The following CNTNAP5 variants were observed in gnomAD, a reference collection of about 807,000 sequenced individuals.
CNTNAP5 encodes the protein contactin associated protein family member 5, also known as contactin-associated protein-like 5.
A neutral mutation model predicts 150.2 loss-of-function variants in CNTNAP5; 72 were observed. The observed-to-expected ratio is 0.48, with a 90% CI of 0.40 to 0.58. The LOEUF is 0.58. Among genes scored for constraint, CNTNAP5 ranks in the 20% least tolerant of loss-of-function variants. CNTNAP5 has a pLI of 0.00. For missense variants in CNTNAP5, 1,636 were observed against 1,626.2 expected (o/e 1.01, Z -0.10); for synonymous variants, 672 against 619.8 (o/e 1.08, Z -1.25).
At chr2:124,378,975 C>T (rs1207108020) in intron 3 of CNTNAP5, among the ~76,000 whole-genome samples, 1 of 151,904 alleles carries the variant, frequency 6.6e-6, no homozygotes, top group East Asian at 1.9e-4. Context: ...ATCTTTTTTT[C>T]TAATATTTTC....
chr2:124,547,193 T>C (rs1695531598), intron 10 of CNTNAP5, among the ~76,000 whole-genome samples: 1 of 151,842 alleles, frequency 6.6e-6, no homozygotes, highest in Non-Finnish European at 1.5e-5. Context: ...TTGGGCTCAA[T>C]AGAGAAACGG....
At chr2:124,493,414 C>A (rs1694076857) in intron 7 of CNTNAP5, among the ~76,000 whole-genome samples, 1 of 151,816 alleles carries the variant, frequency 6.6e-6, no homozygotes, top group Admixed American at 6.6e-5. Flanking sequence ...GATCTCAGCT[C>A]ACTGCAACTT....
chr2:124,913,984 T>C (rs1678708829), intron 23 of CNTNAP5, 108 bp from the exon 24 acceptor site: 1 of 700,550 alleles, frequency 1.4e-6, no homozygotes, highest in Middle Eastern at 3.8e-4. Flanking sequence ...TGATTTGTTT[T>C]GTTTTGCTTT....
chr2:124,546,583 G>T (rs190948566), intron 10 of CNTNAP5, among the ~76,000 whole-genome samples: 7 of 152,284 alleles, frequency 4.6e-5, no homozygotes, highest in African/African-American at 1.7e-4. Flanking sequence ...CTCATTGTGG[G>T]CAGTGGGGCA....
intron 13 of CNTNAP5, among the ~76,000 whole-genome samples, chr2:124,703,294 A>G (rs559046496): frequency 6.8e-6 from 1 of 147,054 alleles, no homozygotes; most frequent in African/African-American, 2.5e-5. Flanking sequence ...TTATTTTGAA[A>G]GAATCATTGG....
At chr2:124,072,617 T>C (rs1682333304) in intron 1 of CNTNAP5, among the ~76,000 whole-genome samples, 2 of 151,838 alleles carry the variant, frequency 1.3e-5, no homozygotes, top group Non-Finnish European at 2.9e-5. Context: ...AATAATCTCA[T>C]TTATAATAGC....
At chr2:124,250,387 A>G (rs1687142843) in intron 3 of CNTNAP5, among the ~76,000 whole-genome samples, 1 of 152,148 alleles carries the variant, frequency 6.6e-6, no homozygotes, top group Non-Finnish European at 1.5e-5. Context: ...AGCATTATCA[A>G]TAATAAGGGA....
chr2:124,290,453 A>G (rs1232316077), intron 3 of CNTNAP5, among the ~76,000 whole-genome samples: 2 of 152,196 alleles, frequency 1.3e-5, no homozygotes, highest in Non-Finnish European at 2.9e-5. Flanking sequence ...CTACTGATGC[A>G]ACATAAATTT....
chr2:124,460,430 G>C (rs1191678608), intron 6 of CNTNAP5, among the ~76,000 whole-genome samples: 1 of 151,958 alleles, frequency 6.6e-6, no homozygotes, highest in Non-Finnish European at 1.5e-5. Flanking sequence ...TTTATTCCTA[G>C]TTTTCTTTAA....
chr2:124,665,563 A>G (rs1678680355), intron 13 of CNTNAP5, among the ~76,000 whole-genome samples: 1 of 152,152 alleles, frequency 6.6e-6, no homozygotes, highest in Admixed American at 6.5e-5. Context: ...GTGTGGATAA[A>G]ACTGTCTCCA....
intron 19 of CNTNAP5, among the ~76,000 whole-genome samples, chr2:124,844,492 T>C (rs1055519566): frequency 6.6e-6 from 1 of 152,046 alleles, no homozygotes; most frequent in Non-Finnish European, 1.5e-5. Context: ...TTTGCCTATG[T>C]GGGCTATTTT....
chr2:124,730,190 A>G (rs1472779232), intron 13 of CNTNAP5, among the ~76,000 whole-genome samples: 2 of 152,066 alleles, frequency 1.3e-5, no homozygotes, highest in African/African-American at 4.8e-5. Flanking sequence ...AAGTTTTTCA[A>G]TAAAAATCCT....
chr2:124,349,873 T>TGG (rs1426276090), intron 3 of CNTNAP5, among the ~76,000 whole-genome samples: 51 of 118,020 alleles, frequency 4.3e-4, no homozygotes, highest in Non-Finnish European at 6.9e-4. Context: ...TCTGGCTATT[T>TGG]CTTTTTTTTT....
At chr2:124,345,059 G>A (rs1472000664) in intron 3 of CNTNAP5, among the ~76,000 whole-genome samples, 4 of 152,186 alleles carry the variant, frequency 2.6e-5, no homozygotes, top group African/African-American at 7.2e-5. Context: ...AAAGTGCCAG[G>A]TTTAGGGTAT....
chr2:124,504,258 G>T (rs1169661006), intron 7 of CNTNAP5, 34 bp from the exon 8 acceptor site: 1 of 1,595,846 alleles, frequency 6.3e-7, no homozygotes, highest in South Asian at 1.1e-5. Context: ...AATAAAAAAT[G>T]GCTTTTATAT....
At chr2:124,281,548 GT>G (rs377615825) in intron 3 of CNTNAP5, among the ~76,000 whole-genome samples, 84 of 152,202 alleles carry the variant, frequency 5.5e-4, no homozygotes, top group African/African-American at 2.0e-3. Context: ...AAAAGATATT[GT>G]CTTGTTATGT....
chr2:124,852,846 A>G (rs1297039671), intron 19 of CNTNAP5, among the ~76,000 whole-genome samples: 2 of 152,306 alleles, frequency 1.3e-5, no homozygotes, highest in East Asian at 3.9e-4. Flanking sequence ...GGGCACATGT[A>G]TAGGGGTTCT....
chr2:124,689,490 C>A (rs552445674), intron 13 of CNTNAP5, among the ~76,000 whole-genome samples: 2 of 152,064 alleles, frequency 1.3e-5, no homozygotes, highest in African/African-American at 2.4e-5. Flanking sequence ...CTGGTATTTG[C>A]ATGTGTGTCT....
chr2:124,907,421 C>G (rs1678560768), intron 22 of CNTNAP5, among the ~76,000 whole-genome samples: 1 of 150,720 alleles, frequency 6.6e-6, no homozygotes, highest in African/African-American at 2.4e-5. Context: ...GAGATAGATA[C>G]AGATAGTTGC....
Sources: allele counts gnomAD v4.1 joint callset (sites outside exome capture counted in the v4.1 genomes callset), GRCh38; gene constraint gnomAD v4.1.1; transcripts MANE v1.5; gene names NCBI Gene and HGNC (gene_info 2026-07-23, HGNC 2026-07-21).